Variants in ERO1B observed in about 807,000 individuals in gnomAD.
ERO1B encodes ERO1-like protein beta.
Under a neutral mutation model 75.3 loss-of-function variants are expected in ERO1B, and 49 were observed. That is an observed-to-expected ratio of 0.65 (90% CI 0.52 to 0.83). ERO1B has a LOEUF of 0.83. Among genes scored for constraint, ERO1B ranks in the 40% least tolerant of loss-of-function variants. The pLI is 0.00. For synonymous variants in ERO1B, 191 were observed against 192.9 expected, an observed-to-expected ratio of 0.99 and a Z score of 0.08; for missense variants, 512 against 560.1, an observed-to-expected ratio of 0.91 and a Z score of 0.87.
chr1:236,220,967 TA>T lies in ERO1B; in HGVS notation c.1210-3del. The T allele has an allele frequency of 6.6e-7, 1 of 1,525,112 alleles. No homozygotes were observed. The highest frequency in any genetic ancestry group is 8.8e-7 in the Non-Finnish European group (1 of 1,141,960). 94.5% of individuals were successfully genotyped at this position (1,525,112 alleles called of 1,614,324 possible). On this transcript the variant is annotated splice_polypyrimidine_tract_variant and splice_region_variant and intron_variant, in intron 14 of 15. Coordinates refer to ENST00000354619, the MANE Select transcript of ERO1B (RefSeq NM_019891.4). ...CAGGGCAGTTCCTAAACCCTGAGTC[TA>T]AAGAAAATAGCAATAAACTCATAAT... is the stretch of plus-strand genomic sequence containing the variant.
At chr1:236,235,928 C>T (rs1664529955) in intron 7 of ERO1B, 93 bp from the exon 8 acceptor site, 2 of 1,126,350 alleles carry the variant, frequency 1.8e-6, no homozygotes, top group African/African-American at 1.6e-5. Flanking sequence ...CCCCTCCCCA[C>T]CCTCTTTTTT....
At chr1:236,278,725 C>G (rs1001962856) in intron 1 of ERO1B, among the ~76,000 whole-genome samples, 2 of 152,074 alleles carry the variant, frequency 1.3e-5, no homozygotes, top group African/African-American at 4.8e-5. Flanking sequence ...TGCACTATGC[C>G]TTTAGTTTCC....
At chr1:236,238,166 G>A (rs915909731) in intron 6 of ERO1B, among the ~76,000 whole-genome samples, 11 of 152,076 alleles carry the variant, frequency 7.2e-5, no homozygotes, top group Non-Finnish European at 1.3e-4. Flanking sequence ...ATATAACTTA[G>A]ACAATGGAAA....
chr1:236,276,584 C>T lies in ERO1B; in HGVS notation c.102+5098G>A, dbSNP rs140140669. ...GGTAAAGCTGAGGTTTAAGAACAAA[C>T]CGTTGGCCTTAGCAACAAGGAGGAC... On this transcript the variant is annotated intron_variant, in intron 1 of 15. Coordinates refer to ENST00000354619, the MANE Select transcript of ERO1B (RefSeq NM_019891.4). 6.0e-3 allele frequency among the ~76,000 whole-genome samples: 910 copies of T among 152,270 alleles called. 12 individuals carry two copies. Among genetic ancestry groups the T allele is most frequent in the African/African-American group, 0.02 (849 of 41,550 alleles).
At chr1:236,274,864 T>C (rs1032799665) in intron 1 of ERO1B, among the ~76,000 whole-genome samples, 9 of 152,088 alleles carry the variant, frequency 5.9e-5, no homozygotes, top group African/African-American at 1.9e-4. Flanking sequence ...GTGATATAGA[T>C]AAAACTAAGG....
chr1:236,265,338 T>C (rs529890645), intron 2 of ERO1B, among the ~76,000 whole-genome samples: 2 of 152,360 alleles, frequency 1.3e-5, no homozygotes, highest in South Asian at 4.1e-4. Context: ...GAATCATCCT[T>C]GCATTCTTGG....
chr1:236,256,643 G>A (rs965889524), intron 2 of ERO1B, among the ~76,000 whole-genome samples: 7 of 152,224 alleles, frequency 4.6e-5, no homozygotes, highest in Non-Finnish European at 7.3e-5. Flanking sequence ...AGGGGGGCAT[G>A]AGACCTGCTG....
chr1:236,257,497 C>G (rs1665184792), intron 2 of ERO1B, among the ~76,000 whole-genome samples: 1 of 145,106 alleles, frequency 6.9e-6, no homozygotes, highest in Admixed American at 7.1e-5. Flanking sequence ...GAAGCCTAAA[C>G]AGAAGGGACA....
chr1:236,266,195 G>C (rs914801055), intron 2 of ERO1B, among the ~76,000 whole-genome samples: 14 of 152,186 alleles, frequency 9.2e-5, no homozygotes, highest in Non-Finnish European at 4.4e-5. Context: ...AAAGGAATAA[G>C]AAGTAAAAAA....
rs2056713 is a variant in ERO1B at position 236,249,982 on chromosome 1, G to A, written c.349-15C>T. Reference sequence around the variant, plus strand: ...ATTTTCAAGTACTGCAAAGAAGTTCGTAAGTTTAGTAAAAATTATTACCTT... The same window carrying A: ...ATTTTCAAGTACTGCAAAGAAGTTCATAAGTTTAGTAAAAATTATTACCTT... On this transcript the variant is annotated splice_polypyrimidine_tract_variant and intron_variant, in intron 4 of 15. Transcript: ENST00000354619. The A allele has an allele frequency of 0.26, 397,163 of 1,541,704 alleles. 51,967 individuals carry two copies. Among genetic ancestry groups the A allele is most frequent in the East Asian group, 0.36 (15,768 of 43,832 alleles).
In ERO1B at chr1:236,218,415, G is replaced by T; in HGVS notation, c.*101C>A. 8.7e-7 allele frequency: 1 copy of T among 1,147,610 alleles called. No homozygotes were observed. Among genetic ancestry groups the T allele is most frequent in the Non-Finnish European group, 1.1e-6 (1 of 890,276 alleles). 71.1% of individuals were successfully genotyped at this position (1,147,610 alleles called of 1,614,324 possible). On this transcript the variant is annotated 3_prime_UTR_variant, in exon 16 of 16. Transcript: ENST00000354619. ...TTTAAATTTTCTATTTAATAGTTCA[G>T]AATTCTTGAAGTCAGATTAGTGTCT... is the stretch of plus-strand genomic sequence containing the variant.
chr1:236,218,448 G>C lies in ERO1B; in HGVS notation c.*68C>G. ...GAAGTCAGATTAGTGTCTTTCTGAT[G>C]AATGTCCATAATTAAAAGGCTTTCC... On this transcript the variant is annotated 3_prime_UTR_variant, in exon 16 of 16. Transcript: ENST00000354619. 1 of 1,337,144 alleles carries C rather than the reference G, an allele frequency of 7.5e-7. No homozygotes were observed. Among genetic ancestry groups the C allele is most frequent in the South Asian group, 1.9e-5 (1 of 52,990 alleles). The allele number at this position is 1,337,144 out of a possible 1,614,324, so 82.8% of individuals were successfully genotyped here.
chr1:236,251,534 T>C (rs1330852816), intron 4 of ERO1B: 1 of 876,740 alleles, frequency 1.1e-6, no homozygotes, highest in Non-Finnish European at 1.4e-6. Context: ...AGAGAGGGTA[T>C]GATGATCTTT....
At chr1:236,262,849 G>A (rs1227870812) in intron 2 of ERO1B, among the ~76,000 whole-genome samples, 3 of 152,120 alleles carry the variant, frequency 2.0e-5, no homozygotes, top group Non-Finnish European at 2.9e-5. Context: ...TACCTCAGTT[G>A]TGGAAATGCT....
rs945389427 is a variant in ERO1B, at chr1:236,215,432, T to C, written c.*3084A>G. On this transcript the variant is annotated 3_prime_UTR_variant, in exon 16 of 16. Transcript: ENST00000354619. ...CAATGCCAGCCAATGCTTGCCATTA[T>C]GATAAGAAACAACCTCAGACTACTT... 1 of 152,226 alleles carries C rather than the reference T, an allele frequency of 6.6e-6. No homozygotes were observed. Among genetic ancestry groups the C allele is most frequent in the Non-Finnish European group, 1.5e-5 (1 of 68,038 alleles). The allele number at this position is 152,226 out of a possible 1,614,324, so 9.4% of individuals were successfully genotyped here.
rs772405797 is a variant in ERO1B, at chr1:236,249,891, G to A, written c.425C>T (p.Thr142Ile). Residue 142 changes from threonine to isoleucine, a missense_variant, in exon 5 of 16, where the codon ACA (threonine) becomes ATA (isoleucine). Thr to Ile is a moderately conservative substitution (Grantham distance 89). Transcript: ENST00000354619. ...TTACCAAAATAAAACTTGCCTTAAT[G>A]TGCTGTTAATTGCTCCCAGTTTATT... is the stretch of plus-strand genomic sequence containing the variant. The part of the protein sequence containing the change: ...QANKLGAINS[T>I]LSNQSKEAFI... The A allele has an allele frequency of 3.2e-6, 5 of 1,582,702 alleles. No individual in the cohort carries two copies. Among genetic ancestry groups the A allele is most frequent in the East Asian group, 2.3e-5 (1 of 43,626 alleles).
chr1:236,236,596 TAAGAG>T (rs72007838), intron 6 of ERO1B, among the ~76,000 whole-genome samples, 198 bp from the exon 7 acceptor site: 10,352 of 152,200 alleles, frequency 0.068, 727 homozygotes, highest in East Asian at 0.39. Flanking sequence ...ACAAATTCCT[TAAGAG>T]AAGAAAAAAC....
At chr1:236,277,115 T>C (rs1665724890) in intron 1 of ERO1B, among the ~76,000 whole-genome samples, 1 of 152,144 alleles carries the variant, frequency 6.6e-6, no homozygotes, top group Non-Finnish European at 1.5e-5. Context: ...AATACAAGAA[T>C]GGACTAAGCC....
chr1:236,268,299 G>A lies in ERO1B; in HGVS notation c.222+1576C>T, dbSNP rs1665498739. Among the ~76,000 whole-genome samples the A allele has an allele frequency of 2.0e-5, 3 of 152,180 alleles. 1 individual carries two copies. Among genetic ancestry groups the A allele is most frequent in the African/African-American group, 7.2e-5 (3 of 41,524 alleles). ...TACTAAAAATACAAAAATTAGCCAG[G>A]CGTGGTGGTGGGCGCCTGTAATCCC... On this transcript the variant is annotated intron_variant, in intron 2 of 15. Coordinates refer to ENST00000354619, the MANE Select transcript of ERO1B (RefSeq NM_019891.4).
Sources: gnomAD v4.1 joint callset for allele counts (sites outside exome capture counted in the v4.1 genomes callset) on GRCh38, gnomAD v4.1.1 for gene constraint, MANE v1.5 for transcripts, NCBI Gene and HGNC (gene_info 2026-07-23, HGNC 2026-07-21) for gene names.